The following TEAD3 variants were observed in gnomAD, a reference collection of about 807,000 sequenced individuals.
The protein encoded by TEAD3 is TEA domain transcription factor 3, also known as transcriptional enhancer factor TEF-5.
TEAD3 carries 15 observed loss-of-function variants against 55.6 expected under a neutral mutation model. The observed-to-expected ratio is 0.27, with a 90% CI of 0.18 to 0.42. The LOEUF is 0.42. Ranked by LOEUF, TEAD3 falls within the 10% of genes least tolerant of loss-of-function variation. The pLI is 1.00. For missense variants in TEAD3, 407 were observed against 576.8 expected (o/e 0.71, Z 3.01); for synonymous variants, 210 against 232.2 (o/e 0.90, Z 0.87).
chr6:35,486,781 C>T lies in TEAD3; in HGVS notation c.-49-70G>A, dbSNP rs1209938818. On this transcript the variant is annotated intron_variant, in intron 1 of 12. Transcript: ENST00000639578. The surrounding 1 kb of genome is among the most constrained non-coding windows in gnomAD (Gnocchi z 7.3). The stretch of plus-strand genomic sequence containing the variant: ...CCACAGCAATCTCCTATCCCACAGC[C>T]GCTGGCTCTGGAGCTCCGCCCCCAG... 5.2e-6 allele frequency: 6 copies of T among 1,155,302 alleles called. No individual in the cohort carries two copies. The highest frequency in any genetic ancestry group is 6.1e-6 in the Non-Finnish European group (5 of 826,004). The allele number at this position is 1,155,302 out of a possible 1,614,324, so 71.6% of individuals were successfully genotyped here.
At chr6:35,489,805 G>C (rs1768470029) in intron 1 of TEAD3, among the ~76,000 whole-genome samples, 1 of 152,108 alleles carries the variant, frequency 6.6e-6, no homozygotes, top group South Asian at 2.1e-4. Context: ...CCAGCACTCT[G>C]GGAAGCTCAC....
chr6:35,479,175 G>A, intron 5 of TEAD3, 130 bp downstream of exon 5: 2 of 1,214,882 alleles, frequency 1.6e-6, no homozygotes, highest in Non-Finnish European at 2.4e-6. Context: ...ACCACGCCCA[G>A]CCATTTCGTT....
At chr6:35,482,764 T>TAAA (rs988825013) in intron 3 of TEAD3, among the ~76,000 whole-genome samples, 1 of 151,992 alleles carries the variant, frequency 6.6e-6, no homozygotes, top group Non-Finnish European at 1.5e-5. Context: ...TTATAAAACT[T>TAAA]AAAAAAACCA....
intron 7 of TEAD3, among the ~76,000 whole-genome samples, chr6:35,478,017 ATT>A (rs57932235): frequency 6.5e-4 from 89 of 137,760 alleles, no homozygotes; most frequent in Non-Finnish European, 6.7e-4. Flanking sequence ...CACCCAGCTA[ATT>A]TTTTTTTTTT....
Position 35,486,364 on chromosome 6 carries a change from A to G in TEAD3, c.202+97T>C, listed in dbSNP as rs958885646. 9 of 1,406,918 alleles carry G rather than the reference A, an allele frequency of 6.4e-6. No homozygotes were observed. Among genetic ancestry groups the G allele is most frequent in the Non-Finnish European group, 8.6e-6 (9 of 1,045,474 alleles). The allele number at this position is 1,406,918 out of a possible 1,614,324, so 87.2% of individuals were successfully genotyped here. On this transcript the variant is annotated intron_variant, in intron 2 of 12. Transcript: ENST00000639578. The surrounding 1 kb of genome is among the most constrained non-coding windows in gnomAD (Gnocchi z 7.3). Reference sequence around the variant, plus strand: ...CTTGCGCGCCCAGACTCGCCCGGCCAGCGGCTGGCGGCCTCCGACGTCACC... The same window carrying G: ...CTTGCGCGCCCAGACTCGCCCGGCCGGCGGCTGGCGGCCTCCGACGTCACC...
chr6:35,489,621 G>C lies in TEAD3; in HGVS notation c.-49-2910C>G, dbSNP rs189015564. Among the ~76,000 whole-genome samples the C allele has an allele frequency of 3.8e-4, 58 of 152,300 alleles. 1 individual carries two copies. Among genetic ancestry groups the C allele is most frequent in the Admixed American group, 3.3e-3 (51 of 15,296 alleles). On this transcript the variant is annotated intron_variant, in intron 1 of 12. Transcript: ENST00000639578. ...GCTGTGCCCCTGACCTGTCAGAGGG[G>C]CCAGATGCCCTCATTCCCAGCCTGT...
intron 1 of TEAD3, among the ~76,000 whole-genome samples, chr6:35,493,661 C>T (rs912459391): frequency 6.6e-6 from 1 of 152,236 alleles, no homozygotes; most frequent in Admixed American, 6.5e-5. Flanking sequence ...CACACACAGA[C>T]AAACCTGAGG....
intron 7 of TEAD3, among the ~76,000 whole-genome samples, chr6:35,477,835 C>T (rs984489008): frequency 2.0e-5 from 3 of 151,780 alleles, no homozygotes; most frequent in African/African-American, 7.3e-5. Context: ...TGCCACTCTC[C>T]AGCTTTTTTT....
intron 1 of TEAD3, among the ~76,000 whole-genome samples, chr6:35,490,342 G>C (rs1210343019): frequency 6.6e-6 from 1 of 152,180 alleles, no homozygotes; most frequent in Admixed American, 6.5e-5. Flanking sequence ...GCTGGTGAGG[G>C]GGAGGGGAGG....
At chr6:35,476,036 T>G (rs763596007) in exon 10 of TEAD3, 1 of 1,552,728 alleles carries the variant, frequency 6.4e-7, no homozygotes, top group Non-Finnish European at 8.7e-7. Flanking sequence ...CCTCCAGGGG[T>G]GGGTCTGAGA....
chr6:35,480,000 G>C, intron 4 of TEAD3: 1 of 1,381,632 alleles, frequency 7.2e-7, no homozygotes, highest in Non-Finnish European at 9.7e-7. Context: ...ACAGAGCAGC[G>C]ACAGGCCTGC....
chr6:35,492,869 C>A (rs1561808832), intron 1 of TEAD3, among the ~76,000 whole-genome samples: 1 of 152,156 alleles, frequency 6.6e-6, no homozygotes, highest in Non-Finnish European at 1.5e-5. Context: ...CCCTTCACCC[C>A]CTCCCTGGGA....
In TEAD3 at chr6:35,486,408, G is replaced by A. The variant is rs562598213; in HGVS notation, c.202+53C>T. On this transcript the variant is annotated intron_variant, in intron 2 of 12. Transcript: ENST00000639578. This position sits in a 1 kb window ranked among gnomAD's most constrained non-coding sequence, Gnocchi z 7.3. ...CGTCACCAAACCGGTTGGGTGAGAG[G>A]GCAGAGAGCAGGGGGAAGGGCCGCA... The A allele has an allele frequency of 1.3e-6, 2 of 1,565,152 alleles. No homozygotes were observed. Among genetic ancestry groups the A allele is most frequent in the African/African-American group, 1.3e-5 (1 of 74,190 alleles).
chr6:35,475,896 C>T lies in TEAD3; in HGVS notation c.900+23G>A. 6.6e-7 allele frequency: 1 copy of T among 1,515,460 alleles called. No individual in the cohort carries two copies. Among genetic ancestry groups the T allele is most frequent in the Non-Finnish European group, 8.8e-7 (1 of 1,133,814 alleles). The allele number at this position is 1,515,460 out of a possible 1,614,324, so 93.9% of individuals were successfully genotyped here. ...CTGGGGTGGGGAAGGGGGCTTGGAG[C>T]AGAGAAGGCCAGGGGGACTCACCCA... On this transcript the variant is annotated intron_variant, in intron 10 of 12. Coordinates refer to ENST00000639578, the Ensembl canonical transcript of TEAD3. This position sits in a 1 kb window ranked among gnomAD's most constrained non-coding sequence, Gnocchi z 5.4.
At chr6:35,493,210 C>T (rs192107994) in intron 1 of TEAD3, among the ~76,000 whole-genome samples, 146 of 152,338 alleles carry the variant, frequency 9.6e-4, no homozygotes, top group African/African-American at 3.0e-3. Context: ...ATAAAATATA[C>T]ATAACATCAA....
downstream of TEAD3, chr6:35,474,167 C>G (rs960872236): frequency 6.6e-6 from 1 of 152,272 alleles, no homozygotes; most frequent in Admixed American, 6.5e-5. Context: ...CTACCTTGCT[C>G]TCAATCTGGA....
intron 3 of TEAD3, 162 bp downstream of exon 4, chr6:35,480,150 G>C (rs1255234005): frequency 1.3e-6 from 2 of 1,549,198 alleles, no homozygotes; most frequent in Non-Finnish European, 1.7e-6. Flanking sequence ...AAGAGAAAAA[G>C]AACAGAAAGA....
At chr6:35,482,116 C>G (rs1001858599) in intron 3 of TEAD3, among the ~76,000 whole-genome samples, 2 of 152,194 alleles carry the variant, frequency 1.3e-5, no homozygotes, top group Admixed American at 6.5e-5. Context: ...TCCCGAATAG[C>G]TGAGATTCCA....
chr6:35,482,587 C>T (rs1076655), intron 3 of TEAD3, among the ~76,000 whole-genome samples: 11,104 of 152,148 alleles, frequency 0.073, 662 homozygotes, highest in African/African-American at 0.16. Context: ...ATGTGCCCCA[C>T]GTCTGCAATC....
Sources: gnomAD v4.1 joint callset for allele counts (sites outside exome capture counted in the v4.1 genomes callset) on GRCh38, gnomAD v4.1.1 for gene constraint, Gnocchi (gnomAD v3.1) non-coding constraint, MANE v1.5 for transcripts, NCBI Gene and HGNC (gene_info 2026-07-23, HGNC 2026-07-21) for gene names.